RUFY3: variants seen among roughly 807,000 people sequenced by gnomAD.
RUFY3 encodes the protein protein RUFY3.
In RUFY3, 34 loss-of-function variants were observed where a neutral mutation model predicts 84.0. That is an observed-to-expected ratio of 0.40 (90% confidence interval 0.31 to 0.54). The LOEUF is 0.54. Ranked by LOEUF, RUFY3 falls within the 20% of genes least tolerant of loss-of-function variation. The pLI, the probability that RUFY3 is intolerant of heterozygous loss-of-function variation, is 0.39. For missense variants in RUFY3, 507 were observed against 736.8 expected (o/e 0.69, Z 3.61); for synonymous variants, 242 against 252.9 (o/e 0.96, Z 0.41).
In RUFY3 at chr4:70,722,002, C is replaced by T. The variant is rs1742355663; in HGVS notation, c.-572C>T. The T allele has an allele frequency of 8.1e-7, 1 of 1,232,078 alleles. No homozygotes were observed. The highest frequency in any genetic ancestry group is 1.0e-6 in the Non-Finnish European group (1 of 987,990). The allele number at this position is 1,232,078 out of a possible 1,614,324, so 76.3% of individuals were successfully genotyped here. ...GCCATTTTGGTCAACACCCTGCTTA[C>T]TGCGCACGGCCAATCCTATGAGAAC... On this transcript the variant is annotated 5_prime_UTR_variant, in exon 1 of 18. Coordinates refer to ENST00000381006, the MANE Select transcript of RUFY3 (RefSeq NM_001037442.4).
intron 13 of RUFY3, 136 bp from the exon 14 acceptor site, chr4:70,794,659 A>G (rs1033351131): frequency 1.4e-5 from 9 of 666,558 alleles, no homozygotes; most frequent in African/African-American, 1.3e-4. Context: ...TTATCATTTA[A>G]AAACCTGTCT....
chr4:70,802,084 A>G (rs1732301128), intron 15 of RUFY3, among the ~76,000 whole-genome samples: 4 of 152,250 alleles, frequency 2.6e-5, no homozygotes, highest in Admixed American at 2.6e-4. Flanking sequence ...ACAGATGAGA[A>G]AACTGAGAAG....
At chr4:70,750,508 G>T (rs906185240) in intron 1 of RUFY3, among the ~76,000 whole-genome samples, 4 of 152,012 alleles carry the variant, frequency 2.6e-5, no homozygotes, top group Admixed American at 1.3e-4. Flanking sequence ...AACTTTAGTG[G>T]TTTTTTTCTA....
intron 12 of RUFY3, chr4:70,792,628 G>T: frequency 1.0e-6 from 1 of 985,314 alleles, no homozygotes; most frequent in Non-Finnish European, 1.2e-6. Context: ...ATGCTTTGCA[G>T]CATTTCAGCT....
intron 12 of RUFY3, chr4:70,793,492 A>G (rs1292045050): frequency 4.2e-6 from 5 of 1,196,084 alleles, no homozygotes; most frequent in Non-Finnish European, 5.2e-6. Flanking sequence ...CTAAAAAGTG[A>G]TGTTTTATTG....
Position 70,772,709 on chromosome 4 carries a change from G to A in RUFY3, c.697-802G>A, listed in dbSNP as rs982244293. On this transcript the variant is annotated intron_variant, in intron 5 of 17. Coordinates refer to ENST00000381006, the MANE Select transcript of RUFY3 (RefSeq NM_001037442.4). ...GAGTTTTGCTCTTGTTGCCCAGGCT[G>A]GAGTGCAATGGTGAGATCCTGGCTT... 2.0e-5 allele frequency among the ~76,000 whole-genome samples: 3 copies of A among 151,522 alleles called. No homozygotes were observed. In the South Asian group the frequency reaches 6.3e-4, roughly 32 times the overall value.
At chr4:70,766,217 T>C (rs1047009145) in intron 4 of RUFY3, among the ~76,000 whole-genome samples, 14 of 152,172 alleles carry the variant, frequency 9.2e-5, no homozygotes, top group Non-Finnish European at 1.8e-4. Context: ...TGACTGAAAA[T>C]GAATAATTCA....
chr4:70,782,107 T>C (rs960062723), intron 8 of RUFY3, among the ~76,000 whole-genome samples: 1 of 152,150 alleles, frequency 6.6e-6, no homozygotes, highest in Non-Finnish European at 1.5e-5. Context: ...AAAGATCTTA[T>C]AGAGCGTTTG....
intron 14 of RUFY3, 81 bp from the exon 15 acceptor site, chr4:70,800,060 G>A (rs752496738): frequency 4.5e-6 from 6 of 1,326,544 alleles, no homozygotes; most frequent in Non-Finnish European, 6.3e-6. Context: ...CCCAAACTAA[G>A]GCATTGCAGA....
At chr4:70,708,163 A>C (rs2148552703) in intron 1 of RUFY3, among the ~76,000 whole-genome samples, 1 of 152,230 alleles carries the variant, frequency 6.6e-6, no homozygotes, top group South Asian at 2.1e-4. Context: ...TTGAGACCAA[A>C]CAGTTTTTGT....
intron 8 of RUFY3, among the ~76,000 whole-genome samples, chr4:70,782,539 T>C (rs978893719): frequency 1.3e-5 from 2 of 152,018 alleles, no homozygotes; most frequent in African/African-American, 2.4e-5. Context: ...CGCATCAGCC[T>C]CCTAAAGTGC....
At chr4:70,728,966 T>G (rs887997390) in intron 1 of RUFY3, among the ~76,000 whole-genome samples, 3 of 151,888 alleles carry the variant, frequency 2.0e-5, no homozygotes, top group Non-Finnish European at 4.4e-5. Flanking sequence ...ACTGAAGAAA[T>G]CTGCTGGATA....
rs1180516828 is a variant in RUFY3 at position 70,706,871 on chromosome 4, CCTT to C, written c.358+1580_358+1582del. ...ACTTTGCTTTTGTTTTCTGAGGAAT[CCTT>C]CTACTTTGTACTTTAAACACCGCCT... On this transcript the variant is annotated intron_variant, in intron 1 of 11. Transcript: ENST00000417478. Among the ~76,000 whole-genome samples the C allele has an allele frequency of 7.9e-5, 12 of 152,188 alleles. No homozygotes were observed. In the East Asian group the frequency reaches 1.2e-3, roughly 15 times the overall value.
chr4:70,705,179 G>T, exon 1 of RUFY3: 1 of 1,461,278 alleles, frequency 6.8e-7, no homozygotes, highest in Non-Finnish European at 9.0e-7. Context: ...GAGTGCGCCC[G>T]CCGCCGCAGC....
At chr4:70,757,944 TC>T (rs1724312884) in intron 1 of RUFY3, among the ~76,000 whole-genome samples, 2 of 152,250 alleles carry the variant, frequency 1.3e-5, no homozygotes, top group African/African-American at 4.8e-5. Context: ...ATCATTTTTC[TC>T]ATAGGAAAAG....
intron 13 of RUFY3, 50 bp from the exon 14 acceptor site, chr4:70,794,745 T>C: frequency 8.4e-7 from 1 of 1,186,394 alleles, no homozygotes; most frequent in South Asian, 1.2e-5. Context: ...AGAGAATATG[T>C]CTGTATAGAA....
At chr4:70,706,147 T>A (rs1740315081) in intron 1 of RUFY3, among the ~76,000 whole-genome samples, 1 of 152,166 alleles carries the variant, frequency 6.6e-6, no homozygotes, top group African/African-American at 2.4e-5. Flanking sequence ...ATGTTAAATC[T>A]GATTTTCAAA....
At chr4:70,792,090 C>G (rs1404867859) in intron 12 of RUFY3, 4 of 985,534 alleles carry the variant, frequency 4.1e-6, no homozygotes, top group Non-Finnish European at 4.8e-6. Context: ...TTAGGCAGTT[C>G]AGAGAGAACA....
chr4:70,772,852 G>C (rs149648665), intron 5 of RUFY3, among the ~76,000 whole-genome samples: 28 of 152,112 alleles, frequency 1.8e-4, no homozygotes, highest in Non-Finnish European at 2.8e-4. Flanking sequence ...GTAGAGACAG[G>C]GTTTCTCCAT....
Sources: gnomAD v4.1 joint callset for allele counts (sites outside exome capture counted in the v4.1 genomes callset) on GRCh38, gnomAD v4.1.1 for gene constraint, MANE v1.5 for transcripts, NCBI Gene and HGNC (gene_info 2026-07-23, HGNC 2026-07-21) for gene names.